Variants in MARCHF10 observed in about 807,000 individuals in gnomAD.
MARCHF10 encodes the protein probable E3 ubiquitin-protein ligase MARCHF10.
MARCHF10 carries 64 observed loss-of-function variants against 76.2 expected under a neutral mutation model. The ratio of observed to expected loss-of-function variants is 0.84; its 90% CI spans 0.69 to 1.03. MARCHF10 has a LOEUF of 1.03. MARCHF10 is among the 50% of genes least tolerant of loss of function. The pLI, the probability that MARCHF10 is intolerant of heterozygous loss-of-function variation, is 0.00. For missense variants in MARCHF10, 875 were observed against 958.0 expected (o/e 0.91, Z 1.14); for synonymous variants, 340 against 357.5 (o/e 0.95, Z 0.55).
chr17:62,724,835 G>T, intron 7 of MARCHF10, 103 bp downstream of exon 7: 2 of 1,277,102 alleles, frequency 1.6e-6, no homozygotes, highest in Non-Finnish European at 1.1e-6. Context: ...TCGCTGTTCT[G>T]CGGAGGAGAG....
intron 4 of MARCHF10, among the ~76,000 whole-genome samples, chr17:62,756,109 A>G (rs899540428): frequency 6.6e-6 from 1 of 152,114 alleles, no homozygotes. Context: ...TTAGCTGGGC[A>G]TGGTGGCGCA....
Position 62,736,713 on chromosome 17 carries a change from A to G in MARCHF10, c.1155T>C (p.Ala385=), listed in dbSNP as rs149689891. 2 of 1,614,084 alleles carry G rather than the reference A, an allele frequency of 1.2e-6. No individual in the cohort carries two copies. The highest frequency in any genetic ancestry group is 1.3e-5 in the African/African-American group (1 of 75,004). Residue 385 remains alanine (A), a synonymous_variant, in exon 6 of 11, where the codon GCT becomes GCC. Coordinates refer to ENST00000311269, the MANE Select transcript of MARCHF10 (RefSeq NM_152598.4). ...CACTGCCACCTCTGTCCTTCTCTGT[A>G]GCAGATTCCCTATCAGGCAGCCCGG... ...QDPGLPDRES[A]TEKDRGGSEN...
At chr17:62,709,475 C>CA (rs2089791880) in intron 9 of MARCHF10, among the ~76,000 whole-genome samples, 1 of 151,474 alleles carries the variant, frequency 6.6e-6, no homozygotes, top group Admixed American at 6.6e-5. Context: ...ACTCTTGTCT[C>CA]AAAAAAATAA....
intron 6 of MARCHF10, among the ~76,000 whole-genome samples, chr17:62,728,919 G>GC (rs2090886386): frequency 6.6e-6 from 1 of 152,102 alleles, no homozygotes. Context: ...CAATGGAAAA[G>GC]AATAAAGTAT....
chr17:62,762,029 G>A (rs1320918675), intron 3 of MARCHF10, among the ~76,000 whole-genome samples: 3 of 151,856 alleles, frequency 2.0e-5, no homozygotes, highest in Admixed American at 2.0e-4. Context: ...CAACACCTGT[G>A]TCAGCAGCAG....
chr17:62,740,055 T>A (rs1292035889), intron 5 of MARCHF10, among the ~76,000 whole-genome samples: 2 of 120,806 alleles, frequency 1.7e-5, no homozygotes, highest in African/African-American at 5.7e-5. Flanking sequence ...CTGCAGTGTG[T>A]GTGTGTGTGT....
chr17:62,758,588 A>C (rs2092111856), intron 4 of MARCHF10, among the ~76,000 whole-genome samples: 2 of 152,190 alleles, frequency 1.3e-5, no homozygotes, highest in African/African-American at 4.8e-5. Flanking sequence ...ATTAAATAAG[A>C]AGCAAGAGCT....
chr17:62,702,376 G>A (rs1488633009), intron 10 of MARCHF10, among the ~76,000 whole-genome samples: 4 of 148,086 alleles, frequency 2.7e-5, no homozygotes, highest in Non-Finnish European at 6.0e-5. Context: ...TAAGCCAGGC[G>A]TGGTGGCTCA....
intron 4 of MARCHF10, among the ~76,000 whole-genome samples, chr17:62,757,586 C>T (rs117908983): frequency 0.032 from 4,802 of 152,254 alleles, 116 homozygotes; most frequent in Non-Finnish European, 0.047. Context: ...CACATCGATG[C>T]TTTGTTTTTA....
chr17:62,727,276 A>AT (rs1215975354), intron 6 of MARCHF10, among the ~76,000 whole-genome samples: 1 of 152,150 alleles, frequency 6.6e-6, no homozygotes, highest in East Asian at 1.9e-4. Flanking sequence ...TTGCAAAAAA[A>AT]TTTTTTTTAA....
In MARCHF10 at chr17:62,712,965, G is replaced by A. The variant is rs1156591722; in HGVS notation, c.2215-1621C>T. Among the ~76,000 whole-genome samples, 2 of 152,002 alleles carry A rather than the reference G, an allele frequency of 1.3e-5. No homozygotes were observed. The highest frequency in any genetic ancestry group is 1.9e-4 in the East Asian group (1 of 5,186). On this transcript the variant is annotated intron_variant, in intron 8 of 10. Transcript: ENST00000311269. This position sits in a 1 kb window ranked among gnomAD's most constrained non-coding sequence, Gnocchi z 4.2. Reference sequence around the variant, plus strand: ...TCATCATGTTGGCCAGGCTGGTCTCGAACTCCTGGCCTCAGGTGATCCACC... The same window carrying A: ...TCATCATGTTGGCCAGGCTGGTCTCAAACTCCTGGCCTCAGGTGATCCACC...
At chr17:62,725,644 T>C (rs1303598077) in intron 6 of MARCHF10, among the ~76,000 whole-genome samples, 1 of 152,144 alleles carries the variant, frequency 6.6e-6, no homozygotes, top group African/African-American at 2.4e-5. Context: ...ACTGCCACCA[T>C]AAATCAAGAG....
intron 4 of MARCHF10, among the ~76,000 whole-genome samples, chr17:62,752,432 G>C (rs78553554): frequency 1.3e-5 from 2 of 152,152 alleles, no homozygotes; most frequent in African/African-American, 4.8e-5. Flanking sequence ...CAGCTCAAAG[G>C]CAACACCGCA....
intron 3 of MARCHF10, among the ~76,000 whole-genome samples, chr17:62,784,339 ACT>A (rs1466246164): frequency 3.3e-5 from 5 of 152,036 alleles, no homozygotes; most frequent in Non-Finnish European, 5.9e-5. Context: ...CATGCTAAAA[ACT>A]CTCAGTAAAC....
At chr17:62,785,573 A>G (rs1240049216) in intron 3 of MARCHF10, among the ~76,000 whole-genome samples, 4 of 152,232 alleles carry the variant, frequency 2.6e-5, no homozygotes, top group Non-Finnish European at 5.9e-5. Context: ...AGAAACTACC[A>G]TTAGAGTGAA....
chr17:62,784,293 T>G (rs1459329154), intron 3 of MARCHF10, among the ~76,000 whole-genome samples: 2 of 152,204 alleles, frequency 1.3e-5, no homozygotes, highest in Non-Finnish European at 2.9e-5. Context: ...TCTCAATAGA[T>G]GCAGAAAAGG....
intron 5 of MARCHF10, among the ~76,000 whole-genome samples, chr17:62,739,688 G>A (rs974211611): frequency 2.6e-5 from 4 of 152,126 alleles, no homozygotes; most frequent in African/African-American, 7.2e-5. Flanking sequence ...GCCGGCTGAT[G>A]ACTTTTTGTT....
At chr17:62,779,066 C>T (rs1017931473) in intron 3 of MARCHF10, among the ~76,000 whole-genome samples, 2 of 152,198 alleles carry the variant, frequency 1.3e-5, no homozygotes, top group African/African-American at 4.8e-5. Flanking sequence ...CCATGACGTG[C>T]GTTTCAGGCT....
chr17:62,745,227 C>T (rs2091662426), intron 4 of MARCHF10, among the ~76,000 whole-genome samples: 2 of 151,402 alleles, frequency 1.3e-5, no homozygotes, highest in African/African-American at 2.4e-5. Context: ...CCTCAGCCTC[C>T]TCAGTAGCTG....
Sources: allele counts gnomAD v4.1 joint callset (sites outside exome capture counted in the v4.1 genomes callset), GRCh38; gene constraint gnomAD v4.1.1; non-coding constraint Gnocchi (gnomAD v3.1); transcripts MANE v1.5; gene names NCBI Gene and HGNC (gene_info 2026-07-23, HGNC 2026-07-21).